SPAG16: variants seen among roughly 807,000 people sequenced by gnomAD.
SPAG16 encodes the protein sperm-associated antigen 16 protein.
Under a neutral mutation model 80.4 loss-of-function variants are expected in SPAG16, and 86 were observed. The observed-to-expected ratio is 1.07, with a 90% CI of 0.90 to 1.28. The LOEUF is 1.28. SPAG16 is among the 50% of genes most tolerant of loss of function. SPAG16 has a pLI of 0.00. For synonymous variants in SPAG16, 294 were observed against 265.9 expected, an observed-to-expected ratio of 1.11 and a Z score of -1.03; for missense variants, 870 against 765.3, an observed-to-expected ratio of 1.14 and a Z score of -1.61.
At chr2:213,564,036 A>G (rs1421192052) in intron 10 of SPAG16, among the ~76,000 whole-genome samples, 1 of 152,196 alleles carries the variant, frequency 6.6e-6, no homozygotes, top group Non-Finnish European at 1.5e-5. Flanking sequence ...TACCTACATT[A>G]AGCATTCTCT....
intron 10 of SPAG16, among the ~76,000 whole-genome samples, chr2:213,756,191 A>G (rs945745653): frequency 1.3e-5 from 2 of 152,126 alleles, no homozygotes; most frequent in African/African-American, 4.8e-5. Context: ...AAAAGAAAAA[A>G]GTCTATGGGC....
intron 11 of SPAG16, among the ~76,000 whole-genome samples, chr2:213,908,882 C>A (rs1198002052): frequency 6.6e-6 from 1 of 151,568 alleles, no homozygotes; most frequent in Non-Finnish European, 1.5e-5. Context: ...ATTAACTCAT[C>A]ATTTAGCATT....
chr2:213,370,887 C>T (rs1227873085), intron 8 of SPAG16, among the ~76,000 whole-genome samples: 1 of 152,180 alleles, frequency 6.6e-6, no homozygotes, highest in Admixed American at 6.5e-5. Flanking sequence ...TCTGACCCAA[C>T]ATGGGGAAAT....
chr2:213,301,707 C>T (rs1280737937), intron 3 of SPAG16, among the ~76,000 whole-genome samples: 2 of 152,074 alleles, frequency 1.3e-5, no homozygotes, highest in Admixed American at 6.6e-5. Flanking sequence ...TTCAGTTTAT[C>T]TCCCCTCTAC....
At chr2:213,817,273 A>ATC in intron 10 of SPAG16, among the ~76,000 whole-genome samples, 1 of 147,662 alleles carries the variant, frequency 6.8e-6, no homozygotes, top group African/African-American at 2.5e-5. Context: ...ATATATATAT[A>ATC]TCACAGTCAG....
chr2:213,878,517 C>T (rs4673768), intron 11 of SPAG16, among the ~76,000 whole-genome samples: 90,340 of 151,788 alleles, frequency 0.6, 28,742 homozygotes, highest in South Asian at 0.85. Flanking sequence ...TTTGTTATTG[C>T]GGAGTTTTTT....
chr2:213,761,735 G>A (rs1448914607), intron 10 of SPAG16, among the ~76,000 whole-genome samples: 1 of 151,892 alleles, frequency 6.6e-6, no homozygotes, highest in African/African-American at 2.4e-5. Context: ...GCGTGGTGGC[G>A]GGCGCCTGTA....
At chr2:213,483,826 T>G (rs549106727) in intron 9 of SPAG16, among the ~76,000 whole-genome samples, 47 of 152,358 alleles carry the variant, frequency 3.1e-4, no homozygotes, top group Admixed American at 3.9e-4. Context: ...TTTCTAAGCA[T>G]ATCAATTTTT....
Position 213,801,678 on chromosome 2 carries a change from G to C in SPAG16, c.1071-60807G>C, listed in dbSNP as rs76937336. Among the ~76,000 whole-genome samples the C allele has an allele frequency of 1.6e-3, 241 of 152,270 alleles. 1 individual carries two copies. Among genetic ancestry groups the C allele is most frequent in the Non-Finnish European group, 2.8e-3 (191 of 68,008 alleles). The stretch of plus-strand genomic sequence containing the variant: ...TGGAGGTTGACAGATGAAGCACAAT[G>C]GTAGGAACAGAGACTCTGAGATGGA... On this transcript the variant is annotated intron_variant, in intron 10 of 15. Transcript: ENST00000331683.
At chr2:213,954,246 G>A (rs531021214) in intron 12 of SPAG16, among the ~76,000 whole-genome samples, 3 of 148,848 alleles carry the variant, frequency 2.0e-5, no homozygotes, top group East Asian at 4.0e-4. Context: ...TTATAGATTT[G>A]CCTATTCTGA....
At chr2:213,601,261 T>G (rs2061050280) in intron 10 of SPAG16, among the ~76,000 whole-genome samples, 1 of 152,220 alleles carries the variant, frequency 6.6e-6, no homozygotes, top group Admixed American at 6.5e-5. Flanking sequence ...ATCTGAACTT[T>G]AACCAGAAAA....
chr2:214,363,725 T>C (rs1210419365), intron 15 of SPAG16, among the ~76,000 whole-genome samples: 1 of 152,064 alleles, frequency 6.6e-6, no homozygotes, highest in Admixed American at 6.6e-5. Context: ...AAGAAGTTCA[T>C]GTAAGCTATT....
chr2:214,296,643 A>G (rs1694155867), intron 15 of SPAG16, among the ~76,000 whole-genome samples: 1 of 152,128 alleles, frequency 6.6e-6, no homozygotes, highest in Non-Finnish European at 1.5e-5. Context: ...ATGATTAGTG[A>G]TGTTTACCTT....
intron 10 of SPAG16, among the ~76,000 whole-genome samples, chr2:213,639,288 G>A (rs2062495709): frequency 6.6e-6 from 1 of 152,154 alleles, no homozygotes; most frequent in Admixed American, 6.5e-5. Flanking sequence ...CATGCCATTT[G>A]TTGCCTGAAT....
At chr2:213,815,691 A>G (rs996308660) in intron 10 of SPAG16, among the ~76,000 whole-genome samples, 45 of 152,088 alleles carry the variant, frequency 3.0e-4, no homozygotes, top group African/African-American at 8.4e-4. Flanking sequence ...ATAATGGCAC[A>G]TGTTCACTAA....
intron 10 of SPAG16, among the ~76,000 whole-genome samples, chr2:213,833,486 T>TA (rs1553640506): frequency 0.2 from 713 of 3,596 alleles, 207 homozygotes; most frequent in Non-Finnish European, 0.33. Flanking sequence ...AATATATATA[T>TA]TATATATAAT....
chr2:213,409,401 T>C (rs1037072863), intron 9 of SPAG16, among the ~76,000 whole-genome samples: 2 of 152,152 alleles, frequency 1.3e-5, no homozygotes, highest in African/African-American at 2.4e-5. Flanking sequence ...AAAATATATA[T>C]TTTGTTTTAA....
chr2:213,306,563 G>A (rs183480948), intron 3 of SPAG16, among the ~76,000 whole-genome samples: 1 of 150,976 alleles, frequency 6.6e-6, no homozygotes, highest in Non-Finnish European at 1.5e-5. Flanking sequence ...TGCCTTTCAA[G>A]TTTATTTAGT....
In SPAG16 at chr2:214,014,066, G is replaced by A; in HGVS notation, c.1516G>A (p.Asp506Asn). Residue 506 changes from aspartate (D) to asparagine (N), a missense_variant, in exon 13 of 16, where the codon GAT becomes AAT. Transcript: ENST00000331683. ...TGCAGACAAGACCCTGTCTATATGG[G>A]ATGCAAGAACAGTAAGCAAATCATT... Reference protein sequence around the residue: ...SSADKTLSIWDARTGICEQSL... With the variant: ...SSADKTLSIWNARTGICEQSL... 6.2e-7 allele frequency: 1 copy of A among 1,612,288 alleles called. No homozygotes were observed. Among genetic ancestry groups the A allele is most frequent in the Non-Finnish European group, 8.5e-7 (1 of 1,179,350 alleles).
Sources: gnomAD v4.1 joint callset for allele counts (sites outside exome capture counted in the v4.1 genomes callset) on GRCh38, gnomAD v4.1.1 for gene constraint, MANE v1.5 for transcripts, NCBI Gene and HGNC (gene_info 2026-07-23, HGNC 2026-07-21) for gene names.